The following PLPP4 variants were observed in gnomAD, a reference collection of about 807,000 sequenced individuals.
PLPP4 encodes the protein diacylglycerol pyrophosphate like 2.
A neutral mutation model predicts 32.2 loss-of-function variants in PLPP4; 20 were observed. That is an observed-to-expected ratio of 0.62 (90% CI 0.44 to 0.90). The LOEUF (loss-of-function observed/expected upper bound fraction) is 0.90, where lower values mean the gene tolerates loss of function less well. Ranked by LOEUF, PLPP4 falls within the 40% of genes least tolerant of loss-of-function variation. The pLI is 0.00. For synonymous variants in PLPP4, 127 were observed against 133.0 expected (o/e 0.95, Z 0.31); for missense variants, 257 against 353.1 (o/e 0.73, Z 2.18).
intron 1 of PLPP4, among the ~76,000 whole-genome samples, chr10:120,492,387 G>A (rs1469577755): frequency 1.3e-5 from 2 of 152,206 alleles, no homozygotes; most frequent in East Asian, 1.9e-4. Context: ...ATATGCTTAC[G>A]TTTACACCAT....
rs115226200 is a variant in PLPP4, at chr10:120,474,994, A to T, written c.56+17633A>T. On this transcript the variant is annotated intron_variant, in intron 1 of 6. Coordinates refer to ENST00000398250, the MANE Select transcript of PLPP4 (RefSeq NM_001030059.3). The stretch of plus-strand genomic sequence containing the variant: ...GTGAAAATTTTAAATTGAGTATTTT[A>T]TGTGTTGAAACAATTTACACCAGAT... Among the ~76,000 whole-genome samples, 538 of 152,306 alleles carry T rather than the reference A, an allele frequency of 3.5e-3. 7 individuals carry two copies. The highest frequency in any genetic ancestry group is 0.012 in the African/African-American group (507 of 41,578).
chr10:120,523,882 C>T (rs1441034018), intron 5 of PLPP4, among the ~76,000 whole-genome samples: 4 of 152,152 alleles, frequency 2.6e-5, no homozygotes, highest in Non-Finnish European at 4.4e-5. Flanking sequence ...GTGAATATCT[C>T]AAGCTGTCAG....
chr10:120,478,232 T>C (rs1799544763), intron 1 of PLPP4, among the ~76,000 whole-genome samples: 1 of 152,226 alleles, frequency 6.6e-6, no homozygotes, highest in South Asian at 2.1e-4. Flanking sequence ...TTTCTCATAG[T>C]GACCCATGCC....
chr10:120,565,024 A>G (rs1589891441), intron 5 of PLPP4, among the ~76,000 whole-genome samples: 1 of 152,174 alleles, frequency 6.6e-6, no homozygotes, highest in East Asian at 1.9e-4. Context: ...CCTCTAGTTT[A>G]ACACACATAG....
chr10:120,517,821 C>G (rs1314066372), intron 3 of PLPP4, among the ~76,000 whole-genome samples: 2 of 152,200 alleles, frequency 1.3e-5, no homozygotes, highest in Admixed American at 6.5e-5. Context: ...ACGTTTGTCT[C>G]TCTCGATGGG....
At chr10:120,587,763 C>T (rs1849829042) in intron 6 of PLPP4, among the ~76,000 whole-genome samples, 1 of 152,212 alleles carries the variant, frequency 6.6e-6, no homozygotes, top group Non-Finnish European at 1.5e-5. Context: ...TTAATGACCA[C>T]TCAAAATGTC....
At chr10:120,554,931 A>G (rs1317851277) in intron 5 of PLPP4, among the ~76,000 whole-genome samples, 1 of 152,140 alleles carries the variant, frequency 6.6e-6, no homozygotes, top group Non-Finnish European at 1.5e-5. Flanking sequence ...AATCCAAACC[A>G]TATCACCCTG....
intron 5 of PLPP4, among the ~76,000 whole-genome samples, chr10:120,533,022 A>G (rs1846813944): frequency 6.6e-6 from 1 of 152,198 alleles, no homozygotes; most frequent in South Asian, 2.1e-4. Context: ...GGTTTTTGCC[A>G]CTGAAGGTAA....
chr10:120,578,424 C>T (rs1849325633), intron 6 of PLPP4, among the ~76,000 whole-genome samples: 1 of 152,206 alleles, frequency 6.6e-6, no homozygotes, highest in Admixed American at 6.5e-5. Context: ...CCATTAGCAT[C>T]AGCAAAACTC....
chr10:120,514,605 T>C (rs927283356), intron 3 of PLPP4, among the ~76,000 whole-genome samples: 2 of 152,224 alleles, frequency 1.3e-5, no homozygotes, highest in African/African-American at 4.8e-5. Flanking sequence ...ACGAGCCATG[T>C]CTGCATGGGA....
chr10:120,506,323 A>G (rs1036967003), intron 2 of PLPP4, among the ~76,000 whole-genome samples: 6 of 152,234 alleles, frequency 3.9e-5, no homozygotes, highest in Non-Finnish European at 8.8e-5. Context: ...CAAAGATGAA[A>G]AATATTTTGT....
chr10:120,555,811 G>A (rs1397456807), intron 5 of PLPP4, among the ~76,000 whole-genome samples: 1 of 152,168 alleles, frequency 6.6e-6, no homozygotes, highest in African/African-American at 2.4e-5. Context: ...TGGGTGCCAG[G>A]CACAAAATTA....
chr10:120,539,251 C>CT (rs1847223681), intron 5 of PLPP4, among the ~76,000 whole-genome samples: 1 of 152,102 alleles, frequency 6.6e-6, no homozygotes, highest in South Asian at 2.1e-4. Context: ...AGAGCCACTG[C>CT]TGTTAGAGGC....
intron 1 of PLPP4, among the ~76,000 whole-genome samples, chr10:120,459,527 TC>T (rs1466540588): frequency 6.6e-6 from 1 of 152,170 alleles, no homozygotes; most frequent in Non-Finnish European, 1.5e-5. Flanking sequence ...GTTTAATTCT[TC>T]CTTTTGCCAG....
intron 1 of PLPP4, among the ~76,000 whole-genome samples, chr10:120,501,758 G>C (rs968738905): frequency 1.3e-5 from 2 of 152,230 alleles, no homozygotes; most frequent in Non-Finnish European, 2.9e-5. Context: ...CCACCTAGGG[G>C]AGTGTTTTAA....
At chr10:120,571,183 A>G (rs1029443278) in intron 5 of PLPP4, among the ~76,000 whole-genome samples, 1 of 151,060 alleles carries the variant, frequency 6.6e-6, no homozygotes, top group African/African-American at 2.4e-5. Context: ...TGTCCAGGAC[A>G]AGTAGACTCT....
intron 6 of PLPP4, 82 bp from the exon 7 acceptor site, chr10:120,589,221 A>G (rs956895832): frequency 8.5e-6 from 12 of 1,405,402 alleles, no homozygotes; most frequent in Non-Finnish European, 1.2e-5. Context: ...AACAGGAAGG[A>G]AAAGTGCTTT....
chr10:120,524,118 G>A (rs1219749093), intron 5 of PLPP4, among the ~76,000 whole-genome samples: 1 of 152,128 alleles, frequency 6.6e-6, no homozygotes, highest in African/African-American at 2.4e-5. Context: ...TTTACTACCT[G>A]GCAGACATGG....
At chr10:120,550,444 A>G (rs952423647) in intron 5 of PLPP4, among the ~76,000 whole-genome samples, 5 of 151,930 alleles carry the variant, frequency 3.3e-5, no homozygotes, top group African/African-American at 1.2e-4. Flanking sequence ...TAAAATTTAT[A>G]TGAAAATCCA....
Sources: allele counts gnomAD v4.1 joint callset (sites outside exome capture counted in the v4.1 genomes callset), GRCh38; gene constraint gnomAD v4.1.1; transcripts MANE v1.5; gene names NCBI Gene and HGNC (gene_info 2026-07-23, HGNC 2026-07-21).